The following KANSL1 variants were observed in gnomAD, a reference collection of about 807,000 sequenced individuals.
KANSL1 encodes MLL1/MLL complex subunit KANSL1.
In KANSL1, 22 loss-of-function variants were observed where a neutral mutation model predicts 103.6. The observed-to-expected ratio is 0.21, with a 90% confidence interval of 0.15 to 0.30. KANSL1 has a LOEUF of 0.30. KANSL1 is among the 10% of genes least tolerant of loss of function. KANSL1 has a pLI of 1.00. For synonymous variants in KANSL1, 600 were observed against 527.6 expected (o/e 1.14, Z -1.88); for missense variants, 1,337 against 1,399.8 (o/e 0.96, Z 0.72).
chr17:46,081,974 C>T (rs919979603), intron 4 of KANSL1, among the ~76,000 whole-genome samples: 7 of 152,138 alleles, frequency 4.6e-5, no homozygotes, highest in Non-Finnish European at 8.8e-5. Context: ...AGCTAGGATA[C>T]AGAAGGAAAC....
intron 1 of KANSL1, among the ~76,000 whole-genome samples, chr17:46,190,647 T>C (rs2047270501): frequency 6.6e-6 from 1 of 152,222 alleles, no homozygotes; most frequent in Admixed American, 6.5e-5. Flanking sequence ...TTCACCATAA[T>C]ATAGACATTA....
At chr17:46,214,367 G>C (rs577433921) in intron 1 of KANSL1, among the ~76,000 whole-genome samples, 35 of 152,286 alleles carry the variant, frequency 2.3e-4, no homozygotes, top group African/African-American at 8.2e-4. Context: ...AGAGCAAGCA[G>C]TGATGGCCGG....
chr17:46,148,306 T>G (rs531067329), intron 2 of KANSL1: 2 of 152,340 alleles, frequency 1.3e-5, no homozygotes, highest in South Asian at 4.1e-4. Flanking sequence ...AGGAGGAACA[T>G]AAATCAGTTC....
At chr17:46,032,617 T>C (rs1018509941) in intron 13 of KANSL1, 2 of 363,336 alleles carry the variant, frequency 5.5e-6, no homozygotes, top group Non-Finnish European at 9.9e-6. Context: ...AAGTAAGAGC[T>C]CCCAAAACTT....
intron 2 of KANSL1, among the ~76,000 whole-genome samples, chr17:46,165,948 C>T (rs1231641487): frequency 3.9e-5 from 6 of 152,060 alleles, no homozygotes; most frequent in African/African-American, 7.2e-5. Flanking sequence ...CAGTGGCTCT[C>T]GCCTGTAATC....
chr17:46,209,786 G>A (rs1417486177), intron 1 of KANSL1, among the ~76,000 whole-genome samples: 2 of 152,182 alleles, frequency 1.3e-5, no homozygotes, highest in Non-Finnish European at 2.9e-5. Context: ...GAGCCACCAC[G>A]ACCAGCCCCT....
At chr17:46,080,491 T>G (rs2146805963) in intron 4 of KANSL1, among the ~76,000 whole-genome samples, 1 of 151,034 alleles carries the variant, frequency 6.6e-6, no homozygotes, top group South Asian at 2.1e-4. Context: ...TTCCTAAAAT[T>G]TAAAACAAAA....
chr17:46,133,675 T>C (rs1483315669), intron 2 of KANSL1, among the ~76,000 whole-genome samples: 5 of 152,218 alleles, frequency 3.3e-5, no homozygotes, highest in Non-Finnish European at 7.3e-5. Context: ...TATTACAAAA[T>C]AGTTGTTAAA....
chr17:46,031,655 G>C lies in KANSL1; in HGVS notation c.3139C>G (p.Gln1047Glu), dbSNP rs770548045. 38 of 1,612,474 alleles carry C rather than the reference G, an allele frequency of 2.4e-5. No individual in the cohort carries two copies. Among genetic ancestry groups the C allele is most frequent in the Non-Finnish European group, 3.1e-5 (36 of 1,178,766 alleles). The change falls in exon 15 of 15, where the codon CAG (glutamine) becomes GAG (glutamate). Residue 1047 changes from glutamine (Q) to glutamate (E), a missense_variant. Physicochemically the swap from Gln to Glu is conservative, Grantham distance 29 (BLOSUM62 2). Transcript: ENST00000432791. ...RRTFPLAHSP[Q>E]AECEDQLDAQ... ...TCCAGCTGGTCCTCACACTCCGCCT[G>C]GGGACTGTGCGCCAGGGGGAAGGTC... is the stretch of plus-strand genomic sequence containing the variant.
At chr17:46,080,644 CAT>C (rs754465444) in intron 4 of KANSL1, among the ~76,000 whole-genome samples, 19 of 152,118 alleles carry the variant, frequency 1.2e-4, no homozygotes, top group Non-Finnish European at 2.4e-4. Context: ...TTTTAAGAAA[CAT>C]ATGCTCTGCG....
intron 1 of KANSL1, among the ~76,000 whole-genome samples, chr17:46,220,612 T>C (rs1259518393): frequency 2.0e-5 from 3 of 152,284 alleles, no homozygotes; most frequent in Non-Finnish European, 2.9e-5. Flanking sequence ...TCCTACTCTG[T>C]CCTCTACCTG....
At chr17:46,174,858 G>A (rs2147778694) in intron 1 of KANSL1, among the ~76,000 whole-genome samples, 1 of 152,282 alleles carries the variant, frequency 6.6e-6, no homozygotes. Context: ...AATTTTTGTA[G>A]AGATGGAATT....
chr17:46,193,871 T>C (rs1291526556), upstream of KANSL1: 1 of 158,458 alleles, frequency 6.3e-6, no homozygotes, highest in East Asian at 1.9e-4. Context: ...CTGTTTGCAC[T>C]GTGTAGTAAA....
At chr17:46,188,692 A>T (rs2047147999) in intron 1 of KANSL1, among the ~76,000 whole-genome samples, 1 of 152,204 alleles carries the variant, frequency 6.6e-6, no homozygotes, top group Admixed American at 6.5e-5. Flanking sequence ...GGAACATTTA[A>T]AATGAAGAAA....
At chr17:46,148,813 T>TG (rs1278219081) in intron 2 of KANSL1, among the ~76,000 whole-genome samples, 1 of 151,486 alleles carries the variant, frequency 6.6e-6, no homozygotes, top group Non-Finnish European at 1.5e-5. Context: ...CTGGAACGCC[T>TG]GATCTCAAGT....
intron 1 of KANSL1, among the ~76,000 whole-genome samples, chr17:46,184,464 A>T (rs1761981130): frequency 1.3e-5 from 2 of 152,250 alleles, no homozygotes; most frequent in African/African-American, 2.4e-5. Flanking sequence ...GAAAAAAGGA[A>T]AGGAGGGGGT....
chr17:46,033,533 G>T, intron 11 of KANSL1, 73 bp from the exon 12 acceptor site: 1 of 1,237,620 alleles, frequency 8.1e-7, no homozygotes, highest in Non-Finnish European at 1.2e-6. Flanking sequence ...AAGTGTCCAT[G>T]CAAGGATGAG....
intron 1 of KANSL1, among the ~76,000 whole-genome samples, chr17:46,207,994 C>A (rs1215801445): frequency 6.6e-6 from 1 of 152,048 alleles, no homozygotes; most frequent in African/African-American, 2.4e-5. Context: ...GCCTGTAATA[C>A]CAGCTACTGG....
intron 2 of KANSL1, among the ~76,000 whole-genome samples, chr17:46,131,292 T>TTAA (rs2043850232): frequency 6.6e-6 from 1 of 152,256 alleles, no homozygotes; most frequent in South Asian, 2.1e-4. Context: ...AGGCATGGTA[T>TTAA]TAAGGCTAAC....
Sources: gnomAD v4.1 joint callset for allele counts (sites outside exome capture counted in the v4.1 genomes callset) on GRCh38, gnomAD v4.1.1 for gene constraint, MANE v1.5 for transcripts, NCBI Gene and HGNC (gene_info 2026-07-23, HGNC 2026-07-21) for gene names.